The following GRM8 variants were observed in gnomAD, a reference collection of about 807,000 sequenced individuals.
GRM8 encodes the protein glutamate metabotropic receptor 8.
In GRM8, 47 loss-of-function variants were observed where a neutral mutation model predicts 87.2. That is an observed-to-expected ratio of 0.54 (90% CI 0.43 to 0.69). GRM8 has a LOEUF of 0.69. Among genes scored for constraint, GRM8 ranks in the 30% least tolerant of loss-of-function variants. The probability of loss-of-function intolerance (pLI) is 0.00; values close to 1 mark genes in which losing one functional copy is unlikely to be tolerated. For missense variants in GRM8, 1,019 were observed against 1,139.2 expected (o/e 0.89, Z 1.52); for synonymous variants, 396 against 404.5 (o/e 0.98, Z 0.25).
chr7:126,993,464 AG>A (rs1335843799), intron 3 of GRM8, among the ~76,000 whole-genome samples: 1 of 152,216 alleles, frequency 6.6e-6, no homozygotes, highest in Non-Finnish European at 1.5e-5. Flanking sequence ...CTCACCTAAA[AG>A]GAACACCACA....
intron 3 of GRM8, chr7:127,076,028 A>C (rs1239117307): frequency 2.6e-6 from 1 of 386,206 alleles, no homozygotes. Flanking sequence ...ACAATTGTTA[A>C]AAGATGGTTT....
At chr7:126,534,666 G>A (rs1815406320) in intron 8 of GRM8, among the ~76,000 whole-genome samples, 1 of 152,148 alleles carries the variant, frequency 6.6e-6, no homozygotes, top group South Asian at 2.1e-4. Flanking sequence ...TTAAATCATA[G>A]AATAACTCTA....
chr7:126,571,760 A>G (rs1415314563), intron 8 of GRM8, among the ~76,000 whole-genome samples: 1 of 129,152 alleles, frequency 7.7e-6, no homozygotes, highest in African/African-American at 2.9e-5. Context: ...TTTTTTTTTG[A>G]GATGGAGTCT....
chr7:126,454,752 C>T (rs1413620798), intron 9 of GRM8, among the ~76,000 whole-genome samples: 1 of 151,590 alleles, frequency 6.6e-6, no homozygotes, highest in East Asian at 2.0e-4. Flanking sequence ...ACAAGACACA[C>T]AGAAGGAAAA....
At chr7:127,159,485 T>C (rs1055158314) in intron 2 of GRM8, among the ~76,000 whole-genome samples, 4 of 151,924 alleles carry the variant, frequency 2.6e-5, no homozygotes, top group Non-Finnish European at 5.9e-5. Flanking sequence ...AACAGCTGTA[T>C]AAAAGCTTGC....
chr7:126,486,869 T>C (rs993297575), intron 9 of GRM8, among the ~76,000 whole-genome samples: 8 of 152,048 alleles, frequency 5.3e-5, no homozygotes, highest in African/African-American at 1.9e-4. Flanking sequence ...TGTGTCCCTA[T>C]GCAAAACTGG....
In GRM8 at chr7:126,745,739, C is replaced by T. The variant is rs528759961; in HGVS notation, c.1357+24126G>A. ...AACCTCTGCTTGTAAACATATTCTC[C>T]CTAAGTCATGCTTATTGAATTTCTT... On this transcript the variant is annotated intron_variant, in intron 7 of 10. Coordinates refer to ENST00000339582, the MANE Select transcript of GRM8 (RefSeq NM_000845.3). Among the ~76,000 whole-genome samples the T allele has an allele frequency of 2.0e-5, 3 of 151,706 alleles. No individual in the cohort carries two copies. In the South Asian group the frequency reaches 6.2e-4, roughly 31 times the overall value.
intron 7 of GRM8, among the ~76,000 whole-genome samples, chr7:126,707,022 G>A (rs957309646): frequency 6.6e-6 from 1 of 152,022 alleles, no homozygotes; most frequent in African/African-American, 2.4e-5. Context: ...AAATATTCCT[G>A]GCTGGGTATC....
chr7:126,631,886 A>G (rs1426204621), intron 7 of GRM8, among the ~76,000 whole-genome samples: 5 of 152,188 alleles, frequency 3.3e-5, no homozygotes, highest in Admixed American at 6.5e-5. Flanking sequence ...TTAACTCAAG[A>G]TGGATTAAAG....
intron 3 of GRM8, among the ~76,000 whole-genome samples, chr7:126,912,088 T>C (rs1297641977): frequency 1.3e-5 from 2 of 152,004 alleles, no homozygotes. Flanking sequence ...TCCCAGCTAC[T>C]TGGGAGGCTG....
At chr7:126,769,033 T>C (rs2151602937) in intron 7 of GRM8, among the ~76,000 whole-genome samples, 1 of 152,180 alleles carries the variant, frequency 6.6e-6, no homozygotes, top group Admixed American at 6.6e-5. Context: ...GAGTGTGTTA[T>C]GATAGACGGT....
intron 3 of GRM8, among the ~76,000 whole-genome samples, chr7:126,919,304 T>C (rs1196647994): frequency 6.6e-6 from 1 of 152,204 alleles, no homozygotes; most frequent in Non-Finnish European, 1.5e-5. Flanking sequence ...TTTCAACATT[T>C]TGTGTTTCTA....
At chr7:126,452,059 A>T (rs1183030620) in intron 9 of GRM8, among the ~76,000 whole-genome samples, 1 of 151,654 alleles carries the variant, frequency 6.6e-6, no homozygotes, top group Admixed American at 6.6e-5. Context: ...AACTGTCTGG[A>T]TTAAGAAAAT....
intron 8 of GRM8, among the ~76,000 whole-genome samples, chr7:126,600,819 A>G (rs17150014): frequency 0.13 from 19,538 of 152,208 alleles, 1,560 homozygotes; most frequent in South Asian, 0.17. Flanking sequence ...TTTTGAAAGA[A>G]TAAATTAGCA....
intron 6 of GRM8, among the ~76,000 whole-genome samples, chr7:126,810,679 T>A (rs1793203986): frequency 6.6e-6 from 1 of 152,104 alleles, no homozygotes; most frequent in African/African-American, 2.4e-5. Context: ...CCCTAAGTCC[T>A]CCCACTCTCC....
chr7:126,590,976 T>TAA (rs537329610), intron 8 of GRM8, among the ~76,000 whole-genome samples: 1 of 151,488 alleles, frequency 6.6e-6, no homozygotes, highest in African/African-American at 2.4e-5. Flanking sequence ...ATTTTTTTTT[T>TAA]AAAAAAAGGT....
At chr7:127,151,456 TA>T (rs1360249986) in intron 2 of GRM8, among the ~76,000 whole-genome samples, 3 of 151,928 alleles carry the variant, frequency 2.0e-5, no homozygotes, top group African/African-American at 7.3e-5. Context: ...GTTTGTGTCA[TA>T]AAAGAAAAAA....
intron 2 of GRM8, among the ~76,000 whole-genome samples, chr7:127,215,845 C>T (rs1796493993): frequency 6.6e-6 from 1 of 152,134 alleles, no homozygotes; most frequent in Non-Finnish European, 1.5e-5. Context: ...AGGTCCTACT[C>T]TGTTACCTCC....
intron 7 of GRM8, among the ~76,000 whole-genome samples, chr7:126,750,325 T>C (rs1318613298): frequency 3.9e-5 from 6 of 152,072 alleles, no homozygotes; most frequent in African/African-American, 1.4e-4. Flanking sequence ...ATTCAGGACA[T>C]GACACTGCAG....
Sources: allele counts gnomAD v4.1 joint callset (sites outside exome capture counted in the v4.1 genomes callset), GRCh38; gene constraint gnomAD v4.1.1; transcripts MANE v1.5; gene names NCBI Gene and HGNC (gene_info 2026-07-23, HGNC 2026-07-21).